The following HDHD2 variants were observed in gnomAD, a reference collection of about 807,000 sequenced individuals.
The protein encoded by HDHD2 is haloacid dehalogenase like hydrolase domain containing 2.
A neutral mutation model predicts 24.8 loss-of-function variants in HDHD2; 26 were observed. The observed-to-expected ratio is 1.05, with a 90% CI of 0.77 to 1.45. HDHD2 has a LOEUF of 1.45. Ranked by LOEUF, HDHD2 falls within the 40% of genes most tolerant of loss-of-function variation. HDHD2 has a pLI of 0.00. For synonymous variants in HDHD2, 128 were observed against 114.9 expected (o/e 1.11, Z -0.73); for missense variants, 299 against 313.4 (o/e 0.95, Z 0.35).
chr18:47,125,120 C>A (rs190741073), intron 4 of HDHD2, among the ~76,000 whole-genome samples: 2 of 152,034 alleles, frequency 1.3e-5, no homozygotes, highest in Non-Finnish European at 2.9e-5. Context: ...TATGATAGTG[C>A]CACTGCACTC....
At chr18:47,142,655 T>C (rs896286134) in intron 1 of HDHD2, among the ~76,000 whole-genome samples, 2 of 152,058 alleles carry the variant, frequency 1.3e-5, no homozygotes, top group East Asian at 1.9e-4. Context: ...AAAATACATG[T>C]GATTATATAA....
At chr18:47,127,003 T>C (rs1245811881) in intron 4 of HDHD2, among the ~76,000 whole-genome samples, 1 of 151,814 alleles carries the variant, frequency 6.6e-6, no homozygotes, top group Non-Finnish European at 1.5e-5. Context: ...CTACTAAAAA[T>C]ACAAAAAATT....
rs1407072038 is a variant in HDHD2 at position 47,110,659 on chromosome 18, C to T, written c.677-1874G>A. 138 of 984,492 alleles carry T rather than the reference C, an allele frequency of 1.4e-4. 1 individual carries two copies. The highest frequency in any genetic ancestry group is 1.2e-5 in the Non-Finnish European group (10 of 829,222). 61.0% of individuals were successfully genotyped at this position (984,492 alleles called of 1,614,324 possible). ...CTAGCACACAGCAGGGGCTCAATAA[C>T]GTTCGTTGAGTGAATGGAGCTGCCT... On this transcript the variant is annotated intron_variant, in intron 6 of 6. Coordinates refer to ENST00000300605, the MANE Select transcript of HDHD2 (RefSeq NM_032124.5).
chr18:47,138,261 C>A (rs2063786548), intron 1 of HDHD2, among the ~76,000 whole-genome samples: 1 of 149,504 alleles, frequency 6.7e-6, no homozygotes, highest in Admixed American at 6.7e-5. Context: ...CAAATTAACA[C>A]CATTAGTAAT....
chr18:47,130,507 G>A (rs1287489349), intron 3 of HDHD2, among the ~76,000 whole-genome samples, 179 bp from the exon 4 acceptor site: 1 of 152,196 alleles, frequency 6.6e-6, no homozygotes, highest in African/African-American at 2.4e-5. Context: ...AGGAGAGGGA[G>A]AGGGAGATGG....
intron 3 of HDHD2, among the ~76,000 whole-genome samples, chr18:47,134,226 T>C (rs1322450919): frequency 6.6e-6 from 1 of 152,196 alleles, no homozygotes. Flanking sequence ...ATAGAATGCA[T>C]GTTATACAGC....
At chr18:47,143,334 T>C (rs1599965650) in intron 1 of HDHD2, among the ~76,000 whole-genome samples, 1 of 152,198 alleles carries the variant, frequency 6.6e-6, no homozygotes, top group African/African-American at 2.4e-5. Context: ...CGTGTGCCTG[T>C]AGTCTCAGCT....
intron 6 of HDHD2, chr18:47,109,583 T>C (rs533504506): frequency 6.6e-6 from 1 of 152,376 alleles, no homozygotes; most frequent in South Asian, 2.1e-4. Context: ...CCAGTGACCC[T>C]CTCACCTAAG....
chr18:47,111,755 T>C (rs1374157455), intron 6 of HDHD2: 2 of 985,060 alleles, frequency 2.0e-6, no homozygotes, highest in Non-Finnish European at 2.4e-6. Flanking sequence ...ATACTTCTTA[T>C]TCAATTGTAG....
At chr18:47,124,180 T>C (rs925773475) in intron 4 of HDHD2, among the ~76,000 whole-genome samples, 18 of 152,174 alleles carry the variant, frequency 1.2e-4, no homozygotes, top group African/African-American at 4.3e-4. Flanking sequence ...CTACACCTAA[T>C]TGCTAAAAGT....
chr18:47,133,274 C>T (rs995132007), intron 3 of HDHD2, among the ~76,000 whole-genome samples: 1 of 151,780 alleles, frequency 6.6e-6, no homozygotes, highest in Non-Finnish European at 1.5e-5. Flanking sequence ...CAATAGTTTG[C>T]TGAGAATGGT....
rs116402433 is a variant in HDHD2, at chr18:47,122,124, A to T, written c.396-6776T>A. Among the ~76,000 whole-genome samples, 563 of 152,346 alleles carry T rather than the reference A, an allele frequency of 3.7e-3. 8 individuals are homozygous for T. The highest frequency in any genetic ancestry group is 0.013 in the African/African-American group (538 of 41,586). On this transcript the variant is annotated intron_variant, in intron 4 of 6. Coordinates refer to ENST00000300605, the MANE Select transcript of HDHD2 (RefSeq NM_032124.5). ...ATCACTGAATTCCCTACTTAAAAAA[A>T]ATAAGGCCTGGTACCTTTTGCTAAA... is the stretch of plus-strand genomic sequence containing the variant.
chr18:47,122,416 C>T (rs900664009), intron 4 of HDHD2, among the ~76,000 whole-genome samples: 1 of 152,124 alleles, frequency 6.6e-6, no homozygotes, highest in Non-Finnish European at 1.5e-5. Context: ...CTGGCCTCTA[C>T]CCATCATGTG....
chr18:47,134,891 G>C (rs898905262), intron 2 of HDHD2, among the ~76,000 whole-genome samples, 187 bp from the exon 3 acceptor site: 2 of 152,176 alleles, frequency 1.3e-5, no homozygotes, highest in Non-Finnish European at 2.9e-5. Context: ...TTGTTCACCA[G>C]ATGTAAAAAG....
At chr18:47,133,478 C>G (rs564586598) in intron 3 of HDHD2, among the ~76,000 whole-genome samples, 1,022 of 82,526 alleles carry the variant, frequency 0.012, 26 homozygotes, top group African/African-American at 0.041. Context: ...GTCTTTATAG[C>G]AGCATGATTT....
chr18:47,116,822 T>C (rs867009541), intron 4 of HDHD2, among the ~76,000 whole-genome samples: 13 of 152,356 alleles, frequency 8.5e-5, no homozygotes, highest in Middle Eastern at 3.4e-3. Context: ...TTTCCACTTA[T>C]ATAGCCTAAA....
intron 4 of HDHD2, 79 bp downstream of exon 4, chr18:47,130,165 A>C: frequency 1.1e-6 from 1 of 872,254 alleles, no homozygotes; most frequent in Non-Finnish European, 1.8e-6. Context: ...AAAACACATA[A>C]ACCCATTCAT....
At chr18:47,132,747 G>A (rs1422188370) in intron 3 of HDHD2, among the ~76,000 whole-genome samples, 5 of 152,304 alleles carry the variant, frequency 3.3e-5, no homozygotes, top group African/African-American at 7.2e-5. Flanking sequence ...TCTCTGAAAA[G>A]AAGCAATGTG....
intron 1 of HDHD2, chr18:47,137,067 A>G (rs990241304): frequency 3.4e-5 from 25 of 728,832 alleles, no homozygotes; most frequent in Admixed American, 2.3e-4. Context: ...AACAACGATC[A>G]TATTAACTTG....
Sources: gnomAD v4.1 joint callset for allele counts (sites outside exome capture counted in the v4.1 genomes callset) on GRCh38, gnomAD v4.1.1 for gene constraint, MANE v1.5 for transcripts, NCBI Gene and HGNC (gene_info 2026-07-23, HGNC 2026-07-21) for gene names.